OGN: variants seen among roughly 807,000 people sequenced by gnomAD.
OGN encodes osteoglycin, also known as mimecan.
A neutral mutation model predicts 30.8 loss-of-function variants in OGN; 19 were observed. The ratio of observed to expected loss-of-function variants is 0.62; its 90% CI spans 0.43 to 0.90. OGN has a LOEUF of 0.90. OGN is among the 40% of genes least tolerant of loss of function. The pLI, the probability that OGN is intolerant of heterozygous loss-of-function variation, is 0.00. For missense variants in OGN, 283 were observed against 349.7 expected (o/e 0.81, Z 1.52); for synonymous variants, 126 against 128.3 (o/e 0.98, Z 0.12).
chr9:92,394,826 C>T (rs1383107285), intron 3 of OGN, among the ~76,000 whole-genome samples: 3 of 151,998 alleles, frequency 2.0e-5, no homozygotes, highest in Middle Eastern at 3.4e-3. Flanking sequence ...AGGCTGCTTT[C>T]GAACTCCTGA....
intron 4 of OGN, among the ~76,000 whole-genome samples, chr9:92,390,318 T>C (rs1842618863): frequency 6.6e-6 from 1 of 152,250 alleles, no homozygotes; most frequent in Admixed American, 6.5e-5. Context: ...CTTTTCATCT[T>C]TCTCTGTTCA....
At chr9:92,400,296 C>A (rs1843057875) in intron 3 of OGN, among the ~76,000 whole-genome samples, 1 of 152,060 alleles carries the variant, frequency 6.6e-6, no homozygotes, top group South Asian at 2.1e-4. Context: ...ATTACAGGCA[C>A]CTGCCACCAC....
At chr9:92,391,799 C>T (rs771414977) in intron 4 of OGN, among the ~76,000 whole-genome samples, 6 of 152,102 alleles carry the variant, frequency 3.9e-5, no homozygotes, top group Non-Finnish European at 7.4e-5. Flanking sequence ...AATTTTTTGC[C>T]ACTCTGAGCA....
At chr9:92,403,554 G>A (rs971023277) in intron 1 of OGN, 72 bp from the exon 2 acceptor site, 16 of 1,356,718 alleles carry the variant, frequency 1.2e-5, no homozygotes, top group Non-Finnish European at 1.5e-5. Flanking sequence ...GGTGTGCGCA[G>A]TAAGGGCCAG....
chr9:92,390,567 T>A (rs1588086164), intron 4 of OGN, among the ~76,000 whole-genome samples: 1 of 56,522 alleles, frequency 1.8e-5, no homozygotes, highest in African/African-American at 3.3e-5. Flanking sequence ...AAATTCAGTG[T>A]GTGTGTGTGT....
intron 4 of OGN, among the ~76,000 whole-genome samples, chr9:92,391,422 T>A (rs933918902): frequency 1.3e-4 from 19 of 150,710 alleles, no homozygotes; most frequent in South Asian, 4.2e-4. Context: ...ATAAATAAAT[T>A]AAATTAAATT....
chr9:92,390,937 C>T (rs1408031462), intron 4 of OGN, among the ~76,000 whole-genome samples: 3 of 152,064 alleles, frequency 2.0e-5, no homozygotes, highest in African/African-American at 7.2e-5. Context: ...GGATGTTAGA[C>T]GTCACTTCAG....
chr9:92,403,142 C>T (rs953998758), intron 2 of OGN, 92 bp downstream of exon 2: 3 of 778,718 alleles, frequency 3.9e-6, no homozygotes, highest in Non-Finnish European at 6.1e-6. Context: ...TTTCCCTTCC[C>T]CTTACCTTAT....
chr9:92,393,408 G>C (rs1464637445), intron 3 of OGN, among the ~76,000 whole-genome samples, 164 bp from the exon 4 acceptor site: 1 of 152,142 alleles, frequency 6.6e-6, no homozygotes, highest in African/African-American at 2.4e-5. Flanking sequence ...TATTGTGCTT[G>C]ATAATTCACC....
chr9:92,399,883 G>A (rs540081861), intron 3 of OGN, among the ~76,000 whole-genome samples: 142 of 151,928 alleles, frequency 9.3e-4, no homozygotes, highest in African/African-American at 3.2e-3. Flanking sequence ...TACCAGTATC[G>A]CACTTTTTAA....
At chr9:92,387,984 G>A (rs980270963) in intron 5 of OGN, among the ~76,000 whole-genome samples, 3 of 151,446 alleles carry the variant, frequency 2.0e-5, no homozygotes, top group East Asian at 2.0e-4. Context: ...GGCTGGTCTC[G>A]AACTCTTGAG....
At chr9:92,392,534 A>G (rs996959668) in intron 4 of OGN, among the ~76,000 whole-genome samples, 1 of 151,976 alleles carries the variant, frequency 6.6e-6, no homozygotes, top group Non-Finnish European at 1.5e-5. Flanking sequence ...AGAGCCACTT[A>G]AACCTGGGAG....
At chr9:92,391,690 A>G (rs116388354) in intron 4 of OGN, among the ~76,000 whole-genome samples, 3,180 of 152,258 alleles carry the variant, frequency 0.021, 54 homozygotes, top group South Asian at 0.044. Flanking sequence ...CGTTAAATAG[A>G]CTGTGAACAG....
intron 5 of OGN, 149 bp downstream of exon 5, chr9:92,389,705 G>T: frequency 1.7e-6 from 1 of 584,028 alleles, no homozygotes; most frequent in Non-Finnish European, 3.0e-6. Context: ...AGCCTAATAG[G>T]ATGGTTATTT....
chr9:92,388,422 A>G (rs2130887537), intron 5 of OGN, among the ~76,000 whole-genome samples: 1 of 152,076 alleles, frequency 6.6e-6, no homozygotes, highest in South Asian at 2.1e-4. Context: ...TCATCCTCCT[A>G]AAGTGCTGGG....
At position 92,389,213 on chromosome 9, in the gene OGN, G is replaced by A. The variant is rs193049667; in HGVS notation, c.630+641C>T. 2.0e-5 allele frequency among the ~76,000 whole-genome samples: 3 copies of A among 152,178 alleles called. No individual in the cohort carries two copies. In the East Asian group the frequency reaches 5.8e-4, roughly 29 times the overall value. ...ATTACATCAGAGCTATGGAAATCCT[G>A]GACTAAAGTGATTACTCCTGTAGGT... On this transcript the variant is annotated intron_variant, in intron 5 of 6. Coordinates refer to ENST00000375561, the MANE Select transcript of OGN (RefSeq NM_014057.5).
At chr9:92,392,824 T>C (rs1476856273) in intron 4 of OGN, among the ~76,000 whole-genome samples, 1 of 152,182 alleles carries the variant, frequency 6.6e-6, no homozygotes, top group Non-Finnish European at 1.5e-5. Flanking sequence ...GTATTGGAGT[T>C]GAGAAGATAT....
chr9:92,393,375 T>C (rs916307298), intron 3 of OGN, 131 bp from the exon 4 acceptor site: 3 of 665,700 alleles, frequency 4.5e-6, no homozygotes, highest in South Asian at 3.0e-5. Flanking sequence ...ATAAGAAAGA[T>C]AGTCATGGTA....
intron 5 of OGN, among the ~76,000 whole-genome samples, chr9:92,386,999 G>T (rs1842451125): frequency 7.0e-6 from 1 of 142,658 alleles, no homozygotes; most frequent in Middle Eastern, 3.6e-3. Context: ...AGTGAGCTGA[G>T]ATCGCACCAC....
Sources: gnomAD v4.1 joint callset for allele counts (sites outside exome capture counted in the v4.1 genomes callset) on GRCh38, gnomAD v4.1.1 for gene constraint, MANE v1.5 for transcripts, NCBI Gene and HGNC (gene_info 2026-07-23, HGNC 2026-07-21) for gene names.